The following CACHD1 variants were observed in gnomAD, a reference collection of about 807,000 sequenced individuals.
CACHD1 encodes the protein cache domain containing 1.
In CACHD1, 71 loss-of-function variants were observed where a neutral mutation model predicts 138.7. The ratio of observed to expected loss-of-function variants is 0.51; its 90% confidence interval spans 0.42 to 0.62. The LOEUF is 0.62. Ranked by LOEUF, CACHD1 falls within the 20% of genes least tolerant of loss-of-function variation. The pLI is 0.00. For synonymous variants in CACHD1, 578 were observed against 591.5 expected (o/e 0.98, Z 0.33); for missense variants, 1,389 against 1,625.3 (o/e 0.85, Z 2.50).
At chr1:64,691,250 A>G in intron 26 of CACHD1, 73 bp from the exon 27 acceptor site, 3 of 1,417,172 alleles carry the variant, frequency 2.1e-6, no homozygotes, top group South Asian at 1.2e-5. Context: ...CCAGTGCCCT[A>G]GAAATTGTAG....
intron 9 of CACHD1, among the ~76,000 whole-genome samples, chr1:64,648,878 CCTGA>C (rs1176865245): frequency 3.9e-5 from 6 of 152,110 alleles, no homozygotes; most frequent in South Asian, 2.1e-4. Context: ...TAGAACAATG[CCTGA>C]CTAACAGTAT....
Position 64,509,847 on chromosome 1 carries a change from T to C in CACHD1, c.198+38905T>C, listed in dbSNP as rs139624952. 2.2e-3 allele frequency among the ~76,000 whole-genome samples: 339 copies of C among 152,342 alleles called. 1 individual carries two copies. The highest frequency in any genetic ancestry group is 7.6e-3 in the African/African-American group (317 of 41,586). ...ACAATGATTCTCAAACGAATACTCC[T>C]AGATGTATTTTGTCTTGCACGATTA... On this transcript the variant is annotated intron_variant, in intron 1 of 26. Coordinates refer to ENST00000651257, the MANE Select transcript of CACHD1 (RefSeq NM_020925.4).
intron 1 of CACHD1, among the ~76,000 whole-genome samples, chr1:64,529,500 ATCTTCTTCTAGTCTTCCAGTTC>A (rs1646565223): frequency 6.6e-6 from 1 of 152,206 alleles, no homozygotes; most frequent in South Asian, 2.1e-4. Context: ...TAGAATCATC[ATCTTCTTCTAGTCTTCCAGTTC>A]TCTTTTTTGG....
intron 9 of CACHD1, among the ~76,000 whole-genome samples, chr1:64,648,814 C>G (rs112383548): frequency 0.02 from 3,009 of 152,230 alleles, 43 homozygotes; most frequent in Non-Finnish European, 0.033. Context: ...ACAGAAAATA[C>G]AACATTTTCC....
chr1:64,606,121 A>ACACACACACACACACACACACACACG lies in CACHD1; in HGVS notation c.517+3218_517+3219insACACACACACACACACGCACACACAC, dbSNP rs1240936849. Among the ~76,000 whole-genome samples, 14 of 152,034 alleles carry ACACACACACACACACACACACACACG rather than the reference A, an allele frequency of 9.2e-5. 2 individuals are homozygous for ACACACACACACACACACACACACACG. In the South Asian group the frequency reaches 2.9e-3, roughly 32 times the overall value. On this transcript the variant is annotated intron_variant, in intron 4 of 26. Transcript: ENST00000651257. ...AGGAGCTGTAAACACACACACACAC[A>ACACACACACACACACACACACACACG]CACACACACGCACACACACGCACAC...
intron 3 of CACHD1, among the ~76,000 whole-genome samples, chr1:64,599,683 A>G (rs1407006614): frequency 6.6e-6 from 1 of 152,208 alleles, no homozygotes; most frequent in Non-Finnish European, 1.5e-5. Flanking sequence ...TTGTTATAAA[A>G]ATGTTTTTCT....
At chr1:64,642,756 G>A (rs540607534) in intron 8 of CACHD1, among the ~76,000 whole-genome samples, 18 of 150,100 alleles carry the variant, frequency 1.2e-4, no homozygotes, top group East Asian at 2.0e-4. Flanking sequence ...TTAAGAGGCC[G>A]TGTCTTGGCT....
At chr1:64,546,858 TTGTC>T (rs1646722056) in intron 1 of CACHD1, among the ~76,000 whole-genome samples, 1 of 152,170 alleles carries the variant, frequency 6.6e-6, no homozygotes, top group Admixed American at 6.5e-5. Flanking sequence ...TATAAAACCT[TTGTC>T]TGGGATTCTT....
intron 26 of CACHD1, among the ~76,000 whole-genome samples, chr1:64,685,136 T>C (rs969963129): frequency 1.3e-5 from 2 of 152,200 alleles, no homozygotes; most frequent in Non-Finnish European, 2.9e-5. Context: ...AAAAATCTTT[T>C]ATACGGTATT....
At chr1:64,642,392 C>G (rs1648747501) in intron 8 of CACHD1, among the ~76,000 whole-genome samples, 1 of 152,194 alleles carries the variant, frequency 6.6e-6, no homozygotes, top group African/African-American at 2.4e-5. Flanking sequence ...GAATCACCAC[C>G]TGAAGCCTCT....
intron 7 of CACHD1, among the ~76,000 whole-genome samples, chr1:64,640,892 G>GT (rs34063875): frequency 0.67 from 101,081 of 150,258 alleles, 36,469 homozygotes; most frequent in Non-Finnish European, 0.79. Context: ...AATCACCTTT[G>GT]TTTTTTTTTA....
rs1011851062 is a variant in CACHD1 at position 64,486,921 on chromosome 1, A to G, written c.198+15979A>G. Among the ~76,000 whole-genome samples the G allele has an allele frequency of 2.6e-5, 4 of 152,208 alleles. No homozygotes were observed. The East Asian group carries it at 5.8e-4, about 22-fold the overall frequency. On this transcript the variant is annotated intron_variant, in intron 1 of 26. Transcript: ENST00000651257. ...AAGTAGGTTAACATGGAGTTCAAAG[A>G]AGGCTTCTTGGGGGTGCTGATATTT...
At chr1:64,587,744 C>T (rs1036846405) in intron 3 of CACHD1, among the ~76,000 whole-genome samples, 3 of 152,148 alleles carry the variant, frequency 2.0e-5, no homozygotes, top group East Asian at 1.9e-4. Flanking sequence ...TTCGCAGCTC[C>T]CTTTGTGTTC....
At chr1:64,665,749 A>G (rs1365000046) in intron 15 of CACHD1, among the ~76,000 whole-genome samples, 2 of 152,068 alleles carry the variant, frequency 1.3e-5, no homozygotes, top group Non-Finnish European at 1.5e-5. Flanking sequence ...GGGTGCGGTG[A>G]CTCACACTTG....
chr1:64,666,052 AT>A lies in CACHD1; in HGVS notation c.2277-3del. ...AATAACATGACTTTCTTTGGTCTCCATTAGGTATCTCCATGCAGTAGCTAAT... is the reference window on the plus strand; with the variant it reads ...AATAACATGACTTTCTTTGGTCTCCATAGGTATCTCCATGCAGTAGCTAAT... On this transcript the variant is annotated splice_region_variant and splice_polypyrimidine_tract_variant and intron_variant, in intron 15 of 26. Coordinates refer to ENST00000651257, the MANE Select transcript of CACHD1 (RefSeq NM_020925.4). 1 of 1,518,168 alleles carries A rather than the reference AT, an allele frequency of 6.6e-7. No homozygotes were observed. Among genetic ancestry groups the A allele is most frequent in the Non-Finnish European group, 9.1e-7 (1 of 1,101,678 alleles). 94.0% of individuals were successfully genotyped at this position (1,518,168 alleles called of 1,614,324 possible). A position where few individuals can be genotyped will look rare whatever the true frequency, so the allele number is the denominator to read the frequency against.
intron 1 of CACHD1, among the ~76,000 whole-genome samples, chr1:64,530,823 A>G (rs1261473734): frequency 6.6e-6 from 1 of 151,278 alleles, no homozygotes; most frequent in African/African-American, 2.4e-5. Context: ...GTGAGCCGAG[A>G]TGGCACCACT....
At chr1:64,656,251 AGTTT>A (rs1226902485) in intron 12 of CACHD1, among the ~76,000 whole-genome samples, 3 of 152,214 alleles carry the variant, frequency 2.0e-5, no homozygotes, top group African/African-American at 7.2e-5. Context: ...TTCTACTGGT[AGTTT>A]GTTGTTTGGT....
chr1:64,649,985 A>G (rs1398260860), intron 9 of CACHD1, among the ~76,000 whole-genome samples: 2 of 152,200 alleles, frequency 1.3e-5, no homozygotes, highest in Non-Finnish European at 2.9e-5. Context: ...AGGGAAACCC[A>G]TGTTTATGTG....
chr1:64,545,128 A>G (rs1014866986), intron 1 of CACHD1, among the ~76,000 whole-genome samples: 12 of 152,216 alleles, frequency 7.9e-5, no homozygotes, highest in African/African-American at 2.9e-4. Context: ...GAATGCATCA[A>G]TAGTTTTAAA....
Sources: allele counts gnomAD v4.1 joint callset (sites outside exome capture counted in the v4.1 genomes callset), GRCh38; gene constraint gnomAD v4.1.1; transcripts MANE v1.5; gene names NCBI Gene and HGNC (gene_info 2026-07-23, HGNC 2026-07-21).